Variants in IPO11 observed in about 807,000 individuals in gnomAD.
The protein encoded by IPO11 is importin-11.
IPO11 carries 66 observed loss-of-function variants against 143.2 expected under a neutral mutation model. That is an observed-to-expected ratio of 0.46 (90% CI 0.38 to 0.57). IPO11 has a LOEUF of 0.57. Ranked by LOEUF, IPO11 falls within the 20% of genes least tolerant of loss-of-function variation. The probability of loss-of-function intolerance (pLI) is 0.00; values close to 1 mark genes in which losing one functional copy is unlikely to be tolerated. For synonymous variants in IPO11, 385 were observed against 377.8 expected, an observed-to-expected ratio of 1.02 and a Z score of -0.22; for missense variants, 1,026 against 1,141.0, an observed-to-expected ratio of 0.90 and a Z score of 1.45.
At chr5:62,574,384 A>G (rs1056124209) in intron 27 of IPO11, among the ~76,000 whole-genome samples, 1 of 152,164 alleles carries the variant, frequency 6.6e-6, no homozygotes, top group African/African-American at 2.4e-5. Context: ...TTGTAATATA[A>G]GCATAAAATA....
At chr5:62,447,208 C>G in intron 3 of IPO11, among the ~76,000 whole-genome samples, 1 of 152,018 alleles carries the variant, frequency 6.6e-6, no homozygotes, top group East Asian at 1.9e-4. Flanking sequence ...TGGGCTCAAG[C>G]AGCCCTTCTG....
chr5:62,504,433 T>C (rs1741475130), intron 16 of IPO11, among the ~76,000 whole-genome samples: 1 of 152,228 alleles, frequency 6.6e-6, no homozygotes, highest in Non-Finnish European at 1.5e-5. Flanking sequence ...TAAAGGCTTA[T>C]TAAGTAAATT....
At chr5:62,569,824 A>G (rs1744075445) in intron 27 of IPO11, among the ~76,000 whole-genome samples, 1 of 152,228 alleles carries the variant, frequency 6.6e-6, no homozygotes, top group Non-Finnish European at 1.5e-5. Context: ...AAGGGGCTAT[A>G]TATCTTTAGA....
intron 5 of IPO11, among the ~76,000 whole-genome samples, chr5:62,457,536 A>G (rs1303568049): frequency 5.9e-5 from 9 of 152,182 alleles, no homozygotes; most frequent in African/African-American, 9.7e-5. Flanking sequence ...TGGTAAGGGT[A>G]AAAGAATGCT....
chr5:62,590,948 GTC>G (rs2112426747), intron 27 of IPO11, among the ~76,000 whole-genome samples: 1 of 151,986 alleles, frequency 6.6e-6, no homozygotes, highest in East Asian at 1.9e-4. Flanking sequence ...TAAGAGACAG[GTC>G]TCTCTGTGTT....
At chr5:62,570,506 T>C (rs994374064) in intron 27 of IPO11, among the ~76,000 whole-genome samples, 1 of 152,198 alleles carries the variant, frequency 6.6e-6, no homozygotes, top group Non-Finnish European at 1.5e-5. Context: ...TACAATAGCA[T>C]TGTTTTAAAG....
chr5:62,553,450 G>A (rs1340768845), intron 26 of IPO11, among the ~76,000 whole-genome samples: 2 of 152,040 alleles, frequency 1.3e-5, no homozygotes, highest in African/African-American at 4.8e-5. Context: ...TAATAAACAT[G>A]AGGGAGCAGG....
At chr5:62,443,160 G>A (rs950130408) in intron 3 of IPO11, 77 bp downstream of exon 3, 2 of 887,940 alleles carry the variant, frequency 2.3e-6, no homozygotes, top group Non-Finnish European at 3.5e-6. Context: ...ACTTGTTTAT[G>A]TAAAAGGATG....
intron 1 of IPO11, among the ~76,000 whole-genome samples, chr5:62,420,271 A>G (rs1406232798): frequency 6.6e-6 from 1 of 150,852 alleles, no homozygotes. Context: ...AGCCTGGGCA[A>G]CAAGAGTGAA....
rs370777623 is a variant in IPO11 at position 62,627,366 on chromosome 5, A to T, written c.*48A>T. ...TCCCCTTTCAGAAACAAGCTGAGTA[A>T]CCCAGCCTGCCGTTTGTATGTGAGA... On this transcript the variant is annotated 3_prime_UTR_variant, in exon 30 of 30. Coordinates refer to ENST00000325324, the MANE Select transcript of IPO11 (RefSeq NM_016338.5). 2.2e-5 allele frequency: 34 copies of T among 1,566,434 alleles called. No individual in the cohort carries two copies. In the African/African-American group the frequency reaches 4.6e-4, roughly 21 times the overall value.
At chr5:62,621,495 CAGGCGGGT>C (rs913578211) in intron 29 of IPO11, among the ~76,000 whole-genome samples, 15 of 152,168 alleles carry the variant, frequency 9.9e-5, no homozygotes, top group Admixed American at 8.5e-4. Flanking sequence ...TCCCACGGAG[CAGGCGGGT>C]TAGAGATTCT....
chr5:62,428,783 G>GTAGC (rs1561305851), intron 1 of IPO11, among the ~76,000 whole-genome samples: 1 of 152,108 alleles, frequency 6.6e-6, no homozygotes, highest in African/African-American at 2.4e-5. Context: ...AGCCTCCTGA[G>GTAGC]TAGCTAGCTG....
At chr5:62,501,157 C>G (rs1166512566) in intron 16 of IPO11, among the ~76,000 whole-genome samples, 1 of 152,166 alleles carries the variant, frequency 6.6e-6, no homozygotes, top group African/African-American at 2.4e-5. Context: ...ACTCTTCTGT[C>G]TTTCCACTCT....
At chr5:62,553,786 T>C (rs1743476077) in intron 26 of IPO11, among the ~76,000 whole-genome samples, 1 of 152,080 alleles carries the variant, frequency 6.6e-6, no homozygotes. Context: ...AGAGTCTCAC[T>C]CTGTCACCCA....
intron 27 of IPO11, among the ~76,000 whole-genome samples, chr5:62,582,651 A>G (rs183470492): frequency 2.6e-4 from 40 of 152,340 alleles, no homozygotes; most frequent in Non-Finnish European, 7.4e-5. Flanking sequence ...GGAGATAGGT[A>G]AGTGGGGAAG....
chr5:62,607,738 C>A (rs1206831205), intron 29 of IPO11, among the ~76,000 whole-genome samples: 5 of 151,844 alleles, frequency 3.3e-5, no homozygotes. Flanking sequence ...AGTTGAGAGA[C>A]CTTTTTTCTT....
intron 12 of IPO11, among the ~76,000 whole-genome samples, chr5:62,487,068 G>A (rs1363800358): frequency 6.6e-6 from 1 of 151,982 alleles, no homozygotes; most frequent in Non-Finnish European, 1.5e-5. Flanking sequence ...TACATAGTAG[G>A]TGTACATATT....
chr5:62,595,232 G>T (rs113247380), intron 28 of IPO11, among the ~76,000 whole-genome samples: 1,637 of 152,258 alleles, frequency 0.011, 16 homozygotes, highest in South Asian at 0.018. Context: ...TGTGGAAGTG[G>T]GAAAACCATT....
At position 62,449,933 on chromosome 5, in the gene IPO11, C is replaced by G; in HGVS notation, c.246C>G (p.Leu82=). The change falls in exon 4 of 30, where the codon CTC becomes CTG. Residue 82 remains leucine (L), a synonymous_variant. Coordinates refer to ENST00000325324, the MANE Select transcript of IPO11 (RefSeq NM_016338.5). ...RYWRRVAPHA[L]SEEEKTTLRA... is the part of the protein sequence containing the mutation. ...TACTTTTTTTTTTTTACAGTGCTCTCTCAGAGGAGGAGAAAACTACTCTGC... is the reference window on the plus strand; with the variant it reads ...TACTTTTTTTTTTTTACAGTGCTCTGTCAGAGGAGGAGAAAACTACTCTGC... The G allele has an allele frequency of 6.4e-7, 1 of 1,573,804 alleles. No individual in the cohort carries two copies. The highest frequency in any genetic ancestry group is 8.6e-7 in the Non-Finnish European group (1 of 1,161,852).
Sources: gnomAD v4.1 joint callset for allele counts (sites outside exome capture counted in the v4.1 genomes callset) on GRCh38, gnomAD v4.1.1 for gene constraint, MANE v1.5 for transcripts, NCBI Gene and HGNC (gene_info 2026-07-23, HGNC 2026-07-21) for gene names.